ATF7: variants seen among roughly 807,000 people sequenced by gnomAD.
ATF7 encodes cyclic AMP-dependent transcription factor ATF-7.
ATF7 carries 10 observed loss-of-function variants against 50.4 expected under a neutral mutation model. The observed-to-expected ratio is 0.20, with a 90% CI of 0.12 to 0.34. ATF7 has a LOEUF of 0.34. Among genes scored for constraint, ATF7 ranks in the 10% least tolerant of loss-of-function variants. The pLI, the probability that ATF7 is intolerant of heterozygous loss-of-function variation, is 1.00. For synonymous variants in ATF7, 201 were observed against 226.4 expected, an observed-to-expected ratio of 0.89 and a Z score of 1.01; for missense variants, 465 against 613.9, an observed-to-expected ratio of 0.76 and a Z score of 2.56.
chr12:53,521,436 A>ATG (rs1938123152), intron 11 of ATF7, among the ~76,000 whole-genome samples: 1 of 151,644 alleles, frequency 6.6e-6, no homozygotes, highest in African/African-American at 2.4e-5. Flanking sequence ...TCCACCCCCA[A>ATG]CTCCAGCTGA....
chr12:53,601,653 TC>T (rs1462029102), intron 1 of ATF7, among the ~76,000 whole-genome samples: 4 of 152,194 alleles, frequency 2.6e-5, no homozygotes, highest in African/African-American at 9.6e-5. Context: ...TGGAGAAGTA[TC>T]GATGCCCTTC....
chr12:53,622,751 T>C (rs1046349419), intron 1 of ATF7, among the ~76,000 whole-genome samples: 1 of 151,674 alleles, frequency 6.6e-6, no homozygotes, highest in Non-Finnish European at 1.5e-5. Flanking sequence ...GGTGGGGAGA[T>C]GGCTTGAGCC....
At chr12:53,526,011 T>C (rs1332808616) in intron 9 of ATF7, among the ~76,000 whole-genome samples, 1 of 151,776 alleles carries the variant, frequency 6.6e-6, no homozygotes, top group African/African-American at 2.4e-5. Flanking sequence ...GGGAGTTTGA[T>C]ATCAGCCTGA....
chr12:53,556,965 C>T (rs554010418), intron 2 of ATF7, among the ~76,000 whole-genome samples: 4 of 152,102 alleles, frequency 2.6e-5, no homozygotes, highest in African/African-American at 9.6e-5. Flanking sequence ...ATTATGTTGC[C>T]CAGGCTGTTC....
Position 53,524,868 on chromosome 12 carries a change from C to A in ATF7, c.928-107G>T. On this transcript the variant is annotated intron_variant, in intron 9 of 11. Coordinates refer to ENST00000420353, the MANE Select transcript of ATF7 (RefSeq NM_006856.3). This position sits in a 1 kb window ranked among gnomAD's most constrained non-coding sequence, Gnocchi z 4.6. Reference sequence around the variant, plus strand: ...AAGATCTGGTAAAAGGATATACCAGCCTCTGGTAACCACAGCAAGTCTCAT... The same window carrying A: ...AAGATCTGGTAAAAGGATATACCAGACTCTGGTAACCACAGCAAGTCTCAT... The A allele has an allele frequency of 5.9e-6, 6 of 1,025,070 alleles. No homozygotes were observed. Among genetic ancestry groups the A allele is most frequent in the East Asian group, 2.7e-5 (1 of 37,404 alleles). The allele number at this position is 1,025,070 out of a possible 1,614,324, so 63.5% of individuals were successfully genotyped here.
At position 53,523,289 on chromosome 12, in the gene ATF7, A is replaced by G; in HGVS notation, c.1221T>C (p.Thr407=). Residue 407 remains threonine, a synonymous_variant, in exon 11 of 12, where the codon ACT becomes ACC. Coordinates refer to ENST00000420353, the MANE Select transcript of ATF7 (RefSeq NM_006856.3). ...TGTGCCACTCACCTAAATAGCCTTG[A>G]GTCTTTTTCTGTAGTGCAGTGACTG... ...DCPVTALQKK[T]QGYLESPKES... The G allele has an allele frequency of 6.2e-7, 1 of 1,612,402 alleles. No individual in the cohort carries two copies. The highest frequency in any genetic ancestry group is 8.5e-7 in the Non-Finnish European group (1 of 1,178,574).
intron 1 of ATF7, among the ~76,000 whole-genome samples, chr12:53,609,821 C>CTTTTTTTTTTTTTTTTT (rs757421100): frequency 8.6e-6 from 1 of 115,960 alleles, no homozygotes; most frequent in African/African-American, 3.4e-5. Flanking sequence ...AAATGTTATG[C>CTTTTTTTTTTTTTTTTT]TTTTTTTTTT....
chr12:53,617,104 ACT>A (rs1322610807), intron 1 of ATF7, among the ~76,000 whole-genome samples: 9 of 151,728 alleles, frequency 5.9e-5, no homozygotes. Flanking sequence ...CTGGCTGCAA[ACT>A]CTGCTTCCTG....
Position 53,595,960 on chromosome 12 carries a change from G to A in ATF7, c.48+4993C>T, listed in dbSNP as rs1452062390. Among the ~76,000 whole-genome samples, 13 of 152,250 alleles carry A rather than the reference G, an allele frequency of 8.5e-5. No homozygotes were observed. The East Asian group carries it at 2.5e-3, about 29-fold the overall frequency. On this transcript the variant is annotated intron_variant, in intron 2 of 11. Coordinates refer to ENST00000420353, the MANE Select transcript of ATF7 (RefSeq NM_006856.3). ...GCAAAAAAAGAGTAATAGCCCCTCA[G>A]GGTCACACTGGACAGAGAAATAATC... is the stretch of plus-strand genomic sequence containing the variant.
intron 2 of ATF7, among the ~76,000 whole-genome samples, chr12:53,583,555 C>A (rs1489013154): frequency 1.3e-5 from 2 of 151,964 alleles, no homozygotes; most frequent in Non-Finnish European, 2.9e-5. Flanking sequence ...CCCCCACCCC[C>A]AGTCCATGAA....
chr12:53,538,254 A>G (rs892099481), intron 4 of ATF7, among the ~76,000 whole-genome samples: 2 of 152,164 alleles, frequency 1.3e-5, no homozygotes, highest in Non-Finnish European at 2.9e-5. Context: ...AGCTGTGAAC[A>G]CTTTCTCTGC....
intron 4 of ATF7, among the ~76,000 whole-genome samples, chr12:53,542,143 G>A (rs1939603273): frequency 7.7e-6 from 1 of 129,490 alleles, no homozygotes; most frequent in African/African-American, 2.8e-5. Context: ...TAGGGTCTCC[G>A]GGCCAGGCGT....
chr12:53,565,861 C>T (rs920825802), intron 2 of ATF7, among the ~76,000 whole-genome samples: 7 of 152,210 alleles, frequency 4.6e-5, no homozygotes, highest in African/African-American at 1.4e-4. Flanking sequence ...CCTGTTCTCT[C>T]GCTGCTAATA....
intron 9 of ATF7, 120 bp downstream of exon 9, chr12:53,531,624 A>G: frequency 8.9e-7 from 1 of 1,128,642 alleles, no homozygotes; most frequent in Admixed American, 3.1e-5. Flanking sequence ...GAACCAAAGT[A>G]AGCAGGAAGA....
chr12:53,542,933 CAG>C, intron 4 of ATF7: 1 of 1,050,612 alleles, frequency 9.5e-7, no homozygotes, highest in Non-Finnish European at 1.1e-6. Context: ...TTCAAAAAAA[CAG>C]TGTAGCTGAG....
At chr12:53,521,035 CA>C (rs1938093384) in intron 11 of ATF7, among the ~76,000 whole-genome samples, 1 of 151,722 alleles carries the variant, frequency 6.6e-6, no homozygotes, top group Non-Finnish European at 1.5e-5. Context: ...TCTTGTTGCC[CA>C]GGCTGGAGCG....
At chr12:53,523,000 A>G (rs1472848737) in intron 11 of ATF7, among the ~76,000 whole-genome samples, 2 of 152,256 alleles carry the variant, frequency 1.3e-5, no homozygotes, top group East Asian at 3.8e-4. Flanking sequence ...TATCCATTTC[A>G]TGAGAGACTT....
intron 3 of ATF7, among the ~76,000 whole-genome samples, chr12:53,552,281 T>C (rs1242859913): frequency 6.6e-6 from 1 of 151,576 alleles, no homozygotes; most frequent in East Asian, 1.9e-4. Flanking sequence ...AAGACGGTAA[T>C]AGACCGAAAA....
intron 1 of ATF7, among the ~76,000 whole-genome samples, chr12:53,619,499 A>G (rs1205511396): frequency 4.6e-5 from 7 of 150,732 alleles, no homozygotes; most frequent in Non-Finnish European, 1.0e-4. Flanking sequence ...AAAAAAAAAA[A>G]AAAAGAAAAA....
Sources: allele counts gnomAD v4.1 joint callset (sites outside exome capture counted in the v4.1 genomes callset), GRCh38; gene constraint gnomAD v4.1.1; non-coding constraint Gnocchi (gnomAD v3.1); transcripts MANE v1.5; gene names NCBI Gene and HGNC (gene_info 2026-07-23, HGNC 2026-07-21).